The following SEL1L3 variants were observed in gnomAD, a reference collection of about 807,000 sequenced individuals.
SEL1L3 encodes SEL1L family member 3, also known as protein sel-1 homolog 3.
A neutral mutation model predicts 142.8 loss-of-function variants in SEL1L3; 76 were observed. The observed-to-expected ratio is 0.53, with a 90% CI of 0.44 to 0.64. The LOEUF (loss-of-function observed/expected upper bound fraction) is 0.64. Among genes scored for constraint, SEL1L3 ranks in the 30% least tolerant of loss-of-function variants. The pLI, the probability that SEL1L3 is intolerant of heterozygous loss-of-function variation, is 0.00. For synonymous variants in SEL1L3, 504 were observed against 519.6 expected (o/e 0.97, Z 0.41); for missense variants, 1,262 against 1,381.7 (o/e 0.91, Z 1.37).
chr4:25,813,409 G>A (rs972455083), intron 9 of SEL1L3, among the ~76,000 whole-genome samples: 4 of 152,176 alleles, frequency 2.6e-5, no homozygotes, highest in African/African-American at 9.7e-5. Flanking sequence ...TGCAACAGAG[G>A]TGAACCTTGA....
intron 9 of SEL1L3, among the ~76,000 whole-genome samples, chr4:25,815,232 A>G (rs1328708507): frequency 6.6e-6 from 1 of 152,128 alleles, no homozygotes; most frequent in Non-Finnish European, 1.5e-5. Context: ...TTAGTCATGA[A>G]CGGTGGGTCC....
At chr4:25,746,654 A>T (rs184571376), downstream of SEL1L3, among the ~76,000 whole-genome samples, 42 of 149,628 alleles carry the variant, frequency 2.8e-4, no homozygotes, top group East Asian at 8.0e-3. Flanking sequence ...CACCTGCCTC[A>T]GTCTCTCTTG....
At chr4:25,813,618 C>A (rs949349150) in intron 9 of SEL1L3, among the ~76,000 whole-genome samples, 1 of 152,118 alleles carries the variant, frequency 6.6e-6, no homozygotes, top group African/African-American at 2.4e-5. Context: ...AGAAAAAAGT[C>A]GTGGAGCTCT....
At chr4:25,717,871 A>G in the SEL1L3 span, among the ~76,000 whole-genome samples, 1 of 152,200 alleles carries the variant, frequency 6.6e-6, no homozygotes, top group Non-Finnish European at 1.5e-5. Context: ...AGGTTAAACA[A>G]TCTTATGAAT....
Position 25,782,410 on chromosome 4 carries a change from A to T in SEL1L3, c.2289T>A (p.His763Gln). The change falls in exon 15 of 24, where the codon CAT becomes CAA. Residue 763 changes from histidine (H) to glutamine (Q), a missense_variant. His to Gln is a conservative substitution (Grantham distance 24). Transcript: ENST00000399878. ...ACCATCCCAGGCCATTGACTGCCTG[A>T]TGCAATCCCTGAATTTTGGAACAAG... is the stretch of plus-strand genomic sequence containing the variant. ...LMKKAASKGL[H>Q]QAVNGLGWYY... 1 of 1,611,612 alleles carries T rather than the reference A, an allele frequency of 6.2e-7. No individual in the cohort carries two copies. Among genetic ancestry groups the T allele is most frequent in the Non-Finnish European group, 8.5e-7 (1 of 1,179,102 alleles).
intron 20 of SEL1L3, among the ~76,000 whole-genome samples, chr4:25,762,754 C>T (rs552133317): frequency 1.7e-3 from 253 of 152,174 alleles, no homozygotes; most frequent in African/African-American, 2.9e-3. Flanking sequence ...CCAAGGTGGG[C>T]GGATCACGAG....
In SEL1L3 at chr4:25,830,856, G is replaced by C. The variant is rs534934067; in HGVS notation, c.1099-700C>G. 1.4e-3 allele frequency among the ~76,000 whole-genome samples: 207 copies of C among 152,274 alleles called. 2 individuals carry two copies. Among genetic ancestry groups the C allele is most frequent in the African/African-American group, 4.8e-3 (201 of 41,536 alleles). On this transcript the variant is annotated intron_variant, in intron 5 of 23. Coordinates refer to ENST00000399878, the MANE Select transcript of SEL1L3 (RefSeq NM_015187.5). ...ACCCAATTCAGCCATACAACATGTT[G>C]GTTCAGAAAAGAAAATGTCTCACGC...
intron 1 of SEL1L3, among the ~76,000 whole-genome samples, chr4:25,849,940 G>C (rs1412889777): frequency 6.6e-6 from 1 of 152,196 alleles, no homozygotes; most frequent in African/African-American, 2.4e-5. Context: ...CTAACTGGAA[G>C]GTCTGGGATA....
At chr4:25,849,185 T>C (rs933634018) in intron 1 of SEL1L3, among the ~76,000 whole-genome samples, 1 of 152,138 alleles carries the variant, frequency 6.6e-6, no homozygotes, top group Non-Finnish European at 1.5e-5. Flanking sequence ...CACTTCTGGA[T>C]ATACACCCCA....
chr4:25,788,925 T>C lies in SEL1L3; in HGVS notation c.2077-561A>G, dbSNP rs1211653364. ...CAACCCAGCAGAGCTCAGCAGGTCA[T>C]AGAAGCTGCTGAACAAAGACTTCTT... On this transcript the variant is annotated intron_variant, in intron 12 of 23. Transcript: ENST00000399878. The surrounding 1 kb of genome is among the most constrained non-coding windows in gnomAD (Gnocchi z 5.3). 6.6e-6 allele frequency among the ~76,000 whole-genome samples: 1 copy of C among 152,156 alleles called. No homozygotes were observed. The highest frequency in any genetic ancestry group is 1.5e-5 in the Non-Finnish European group (1 of 68,028).
intron 16 of SEL1L3, among the ~76,000 whole-genome samples, chr4:25,778,196 G>A (rs1047795468): frequency 1.3e-5 from 2 of 152,062 alleles, no homozygotes; most frequent in African/African-American, 4.8e-5. Flanking sequence ...AAAGAAAGGG[G>A]TCTGACAAAG....
chr4:25,735,826 CTTTTTTT>C, the SEL1L3 span, among the ~76,000 whole-genome samples: 9 of 101,600 alleles, frequency 8.9e-5, no homozygotes, highest in African/African-American at 3.5e-4. Context: ...TCTAACTATT[CTTTTTTT>C]TTTTTTTTTT....
At chr4:25,761,452 A>G (rs1718373947) in intron 20 of SEL1L3, among the ~76,000 whole-genome samples, 1 of 152,184 alleles carries the variant, frequency 6.6e-6, no homozygotes, top group South Asian at 2.1e-4. Context: ...CACCGCGCCC[A>G]GCCAGCTTTA....
intron 6 of SEL1L3, among the ~76,000 whole-genome samples, chr4:25,823,500 G>A (rs1714900272): frequency 6.6e-6 from 1 of 151,948 alleles, no homozygotes; most frequent in African/African-American, 2.4e-5. Flanking sequence ...GGTGACAAGA[G>A]CGAGACTCCA....
the SEL1L3 span, among the ~76,000 whole-genome samples, chr4:25,729,398 G>A: frequency 6.6e-6 from 1 of 152,154 alleles, no homozygotes; most frequent in African/African-American, 2.4e-5. Context: ...AGTATTTGTA[G>A]CTTCTCCTAT....
Position 25,788,569 on chromosome 4 carries a change from CGTGT to C in SEL1L3, c.2077-209_2077-206del, listed in dbSNP as rs58435041. On this transcript the variant is annotated intron_variant, in intron 12 of 23. Coordinates refer to ENST00000399878, the MANE Select transcript of SEL1L3 (RefSeq NM_015187.5). This position sits in a 1 kb window ranked among gnomAD's most constrained non-coding sequence, Gnocchi z 5.3. ...CCCTTAATGCAAGCCAGAAATGGTT[CGTGT>C]GTGTGTGTGTGTGTGTGTGTGTGTG... Among the ~76,000 whole-genome samples the C allele has an allele frequency of 0.22, 29,938 of 138,602 alleles. 3,267 individuals are homozygous for C. Among genetic ancestry groups the C allele is most frequent in the Non-Finnish European group, 0.25 (15,587 of 63,530 alleles). 90.9% of individuals were successfully genotyped at this position (138,602 alleles called of 152,430 possible). A position where few individuals can be genotyped will look rare whatever the true frequency, so the allele number is the denominator to read the frequency against.
intron 20 of SEL1L3, 69 bp downstream of exon 20, chr4:25,765,257 G>A (rs1718636760): frequency 1.3e-5 from 14 of 1,073,800 alleles, no homozygotes; most frequent in South Asian, 1.1e-4. Flanking sequence ...GCCTCCCAAA[G>A]GGCTGGGATT....
At chr4:25,787,691 T>C (rs4697621) in intron 13 of SEL1L3, among the ~76,000 whole-genome samples, 30,874 of 152,024 alleles carry the variant, frequency 0.2, 3,220 homozygotes, top group Middle Eastern at 0.27. Context: ...CTCACTCAAT[T>C]TGTGGTCATT....
the SEL1L3 span, among the ~76,000 whole-genome samples, chr4:25,726,539 A>T: frequency 6.6e-6 from 1 of 151,686 alleles, no homozygotes; most frequent in South Asian, 2.1e-4. Flanking sequence ...AAAAAAAAAA[A>T]AAAAAACCCA....
Sources: gnomAD v4.1 joint callset for allele counts (sites outside exome capture counted in the v4.1 genomes callset) on GRCh38, gnomAD v4.1.1 for gene constraint, Gnocchi (gnomAD v3.1) non-coding constraint, MANE v1.5 for transcripts, NCBI Gene and HGNC (gene_info 2026-07-23, HGNC 2026-07-21) for gene names.